Variants in TRIP11 observed in about 807,000 individuals in gnomAD.
The protein encoded by TRIP11 is thyroid receptor-interacting protein 11.
A neutral mutation model predicts 223.1 loss-of-function variants in TRIP11; 148 were observed. The observed-to-expected ratio is 0.66, with a 90% CI of 0.58 to 0.76. TRIP11 has a LOEUF of 0.76. TRIP11 is among the 30% of genes least tolerant of loss of function. TRIP11 has a pLI of 0.00. For missense variants in TRIP11, 2,043 were observed against 2,222.0 expected, an observed-to-expected ratio of 0.92 and a Z score of 1.62; for synonymous variants, 762 against 772.6, an observed-to-expected ratio of 0.99 and a Z score of 0.23.
intron 2 of TRIP11, chr14:92,030,560 T>C (rs1219518448): frequency 1.3e-5 from 2 of 152,058 alleles, no homozygotes; most frequent in Admixed American, 1.3e-4. Flanking sequence ...GCGAATTTTG[T>C]ATTTTTAGTA....
intron 1 of TRIP11, among the ~76,000 whole-genome samples, chr14:92,036,559 A>T (rs2057327402): frequency 6.6e-6 from 1 of 152,194 alleles, no homozygotes; most frequent in African/African-American, 2.4e-5. Flanking sequence ...CAAGCTCCTA[A>T]CCTTGAATAA....
rs76149990 is a variant in TRIP11 at position 91,986,107 on chromosome 14, G to C, written c.5260+2177C>G. Among the ~76,000 whole-genome samples, 596 of 152,250 alleles carry C rather than the reference G, an allele frequency of 3.9e-3. 6 individuals carry two copies. Among genetic ancestry groups the C allele is most frequent in the African/African-American group, 0.013 (559 of 41,538 alleles). On this transcript the variant is annotated intron_variant, in intron 16 of 20. Coordinates refer to ENST00000267622, the MANE Select transcript of TRIP11 (RefSeq NM_004239.4). ...GCCCTTTCAAATACCAGTTATACAAGCATAATCAGAGCTTTCTCTGTAGCT... is the reference window on the plus strand; with the variant it reads ...GCCCTTTCAAATACCAGTTATACAACCATAATCAGAGCTTTCTCTGTAGCT...
At position 91,967,945 on chromosome 14, in the gene TRIP11, A is replaced by G. The variant is rs1230386068; in HGVS notation, c.*1728T>C. ...TAGAACTTGCATGACAACTTCCTTT[A>G]AAGTATAGTAAATAAAGAATGGCAA... On this transcript the variant is annotated 3_prime_UTR_variant, in exon 21 of 21. Coordinates refer to ENST00000267622, the MANE Select transcript of TRIP11 (RefSeq NM_004239.4). 5.0e-6 allele frequency: 1 copy of G among 200,730 alleles called. No individual in the cohort carries two copies. Among genetic ancestry groups the G allele is most frequent in the African/African-American group, 2.3e-5 (1 of 43,508 alleles). 12.4% of individuals were successfully genotyped at this position (200,730 alleles called of 1,614,324 possible).
intron 4 of TRIP11, 90 bp downstream of exon 4, chr14:92,021,466 T>C (rs2057113714): frequency 7.7e-7 from 1 of 1,298,384 alleles, no homozygotes; most frequent in African/African-American, 1.5e-5. Flanking sequence ...CAGGGTTCTT[T>C]CTGATATCAA....
intron 15 of TRIP11, among the ~76,000 whole-genome samples, chr14:91,989,545 C>T (rs56271234): frequency 0.013 from 1,934 of 150,062 alleles, 27 homozygotes; most frequent in African/African-American, 0.045. Flanking sequence ...TCTCTCCTCA[C>T]TGCATTATTT....
intron 11 of TRIP11, among the ~76,000 whole-genome samples, chr14:92,000,607 G>A (rs757314518): frequency 6.6e-6 from 1 of 152,170 alleles, no homozygotes; most frequent in Non-Finnish European, 1.5e-5. Context: ...TATTAGAAAT[G>A]TTTTAAAAGG....
chr14:91,989,527 T>C (rs1172827905), intron 15 of TRIP11, among the ~76,000 whole-genome samples: 2 of 150,114 alleles, frequency 1.3e-5, no homozygotes, highest in Admixed American at 6.7e-5. Flanking sequence ...TGACATCTAG[T>C]AGGCAGGTCT....
At chr14:91,996,807 C>T (rs1304339234) in intron 13 of TRIP11, among the ~76,000 whole-genome samples, 1 of 152,172 alleles carries the variant, frequency 6.6e-6, no homozygotes, top group African/African-American at 2.4e-5. Context: ...TTACTATCAT[C>T]TTTCTGCCTA....
At chr14:91,981,467 G>A (rs2056544160) in intron 16 of TRIP11, among the ~76,000 whole-genome samples, 1 of 152,114 alleles carries the variant, frequency 6.6e-6, no homozygotes, top group Non-Finnish European at 1.5e-5. Flanking sequence ...TCTGCTCACT[G>A]CAACCTCTGC....
chr14:92,028,558 C>T (rs547538825), intron 2 of TRIP11, among the ~76,000 whole-genome samples: 66 of 152,090 alleles, frequency 4.3e-4, no homozygotes, highest in African/African-American at 1.5e-3. Flanking sequence ...TGTCTCAAAA[C>T]AAAAAGAAAG....
intron 16 of TRIP11, among the ~76,000 whole-genome samples, chr14:91,987,831 A>C (rs2056621492): frequency 6.6e-6 from 1 of 152,226 alleles, no homozygotes. Context: ...TACATGATGC[A>C]CCTGTGGTAA....
chr14:92,005,949 T>G lies in TRIP11; in HGVS notation c.2027A>C (p.Lys676Thr). 1 of 1,613,350 alleles carries G rather than the reference T, an allele frequency of 6.2e-7. No individual in the cohort carries two copies. Among genetic ancestry groups the G allele is most frequent in the Non-Finnish European group, 8.5e-7 (1 of 1,179,892 alleles). ...TAAAACTAACTTTTCATTTTCCATT[T>G]TGACATCAAAAGCAACTTTCTTTAA... is the stretch of plus-strand genomic sequence containing the variant. ...ENLKKVAFDV[K>T]MENEKLVLAC... is the part of the protein sequence containing the mutation. The change falls in exon 11 of 21, where the codon AAA becomes ACA. Residue 676 changes from lysine (K) to threonine (T), a missense_variant. Physicochemically the swap from Lys to Thr is moderately conservative, Grantham distance 78. Transcript: ENST00000267622.
At position 92,039,850 on chromosome 14, in the gene TRIP11, ACG is replaced by A; in HGVS notation, c.-167_-166del. 1 of 1,448,316 alleles carries A rather than the reference ACG, an allele frequency of 6.9e-7. No individual in the cohort carries two copies. The highest frequency in any genetic ancestry group is 9.4e-7 in the Non-Finnish European group (1 of 1,069,410). The allele number at this position is 1,448,316 out of a possible 1,614,324, so 89.7% of individuals were successfully genotyped here. A position where few individuals can be genotyped will look rare whatever the true frequency, so the allele number is the denominator to read the frequency against. On this transcript the variant is annotated 5_prime_UTR_variant, in exon 1 of 21. An upstream open reading frame in the 5' UTR loses its in-frame stop. Transcript: ENST00000267622. ...GGCCGACTCCAGGTTCTGCCTAGAA[ACG>A]CAGAGGCCTGGCCTGGAATTTTACC...
chr14:92,033,218 C>A lies in TRIP11; in HGVS notation c.175G>T (p.Ala59Ser). ...TCTGATCTCAAGATTGCATGAATGGCTTCAATTTCCTTTGTCCTAGAATCA... is the reference window on the plus strand; with the variant it reads ...TCTGATCTCAAGATTGCATGAATGGATTCAATTTCCTTTGTCCTAGAATCA... ...LPDSRTKEIE[A>S]IHAILRSENE... is the part of the protein sequence containing the mutation. The change falls in exon 2 of 21, where the codon GCC becomes TCC. Residue 59 changes from alanine (A) to serine (S), a missense_variant. Transcript: ENST00000267622. The A allele has an allele frequency of 6.2e-7, 1 of 1,613,134 alleles. No homozygotes were observed. Among genetic ancestry groups the A allele is most frequent in the Non-Finnish European group, 8.5e-7 (1 of 1,179,446 alleles).
Position 91,968,924 on chromosome 14 carries a change from C to T in TRIP11, c.*749G>A, listed in dbSNP as rs150189603. On this transcript the variant is annotated 3_prime_UTR_variant, in exon 21 of 21. Coordinates refer to ENST00000267622, the MANE Select transcript of TRIP11 (RefSeq NM_004239.4). ...GGGGATGCTTGTAATGGAAGTCTTC[C>T]GTGTCTTGCCTGTGGTGGTAGTCAC... 1,150 of 231,606 alleles carry T rather than the reference C, an allele frequency of 5.0e-3. 14 individuals carry two copies. The highest frequency in any genetic ancestry group is 0.023 in the African/African-American group (1,048 of 45,274). The allele number at this position is 231,606 out of a possible 1,614,324, so 14.3% of individuals were successfully genotyped here.
chr14:91,999,288 A>T lies in TRIP11; in HGVS notation c.4844T>A (p.Val1615Glu). 6.2e-7 allele frequency: 1 copy of T among 1,613,868 alleles called. No individual in the cohort carries two copies. The highest frequency in any genetic ancestry group is 8.5e-7 in the Non-Finnish European group (1 of 1,179,872). The change falls in exon 13 of 21, where the codon GTA becomes GAA. Residue 1615 changes from valine to glutamate, a missense_variant. Coordinates refer to ENST00000267622, the MANE Select transcript of TRIP11 (RefSeq NM_004239.4). ...GGATGAAACTAGCTTTTCCTCCAAT[A>T]CTGTGACTTTCTTTCTTAGTTTAGC... ...REAKLRKKVT[V>E]LEEKLVSSSN...
chr14:91,990,231 AC>A (rs2140099449), intron 15 of TRIP11, among the ~76,000 whole-genome samples: 1 of 152,280 alleles, frequency 6.6e-6, no homozygotes, highest in Non-Finnish European at 1.5e-5. Flanking sequence ...AATCCACAAA[AC>A]TAAATTTAGT....
intron 15 of TRIP11, 143 bp downstream of exon 15, chr14:91,993,666 C>G (rs1320578832): frequency 1.5e-6 from 1 of 670,292 alleles, no homozygotes; most frequent in African/African-American, 1.8e-5. Flanking sequence ...ATCTTGTTCA[C>G]TGTCAGGCTA....
chr14:92,032,314 A>T (rs1326038419), intron 2 of TRIP11, among the ~76,000 whole-genome samples: 2 of 151,670 alleles, frequency 1.3e-5, no homozygotes, highest in Admixed American at 6.6e-5. Context: ...CATCCAGCTA[A>T]TTTTTTTGTA....
Sources: gnomAD v4.1 joint callset for allele counts (sites outside exome capture counted in the v4.1 genomes callset) on GRCh38, gnomAD v4.1.1 for gene constraint, MANE v1.5 for transcripts, NCBI Gene and HGNC (gene_info 2026-07-23, HGNC 2026-07-21) for gene names.